The following IGSF9B variants were observed in gnomAD, a reference collection of about 807,000 sequenced individuals.
IGSF9B encodes immunoglobulin superfamily member 9B, also known as protein turtle homolog B.
A neutral mutation model predicts 143.7 loss-of-function variants in IGSF9B; 48 were observed. The observed-to-expected ratio is 0.33, with a 90% confidence interval of 0.26 to 0.42. The LOEUF is 0.42. Ranked by LOEUF, IGSF9B falls within the 20% of genes least tolerant of loss-of-function variation. IGSF9B has a pLI of 1.00. For synonymous variants in IGSF9B, 903 were observed against 833.1 expected, an observed-to-expected ratio of 1.08 and a Z score of -1.44; for missense variants, 1,706 against 1,980.0, an observed-to-expected ratio of 0.86 and a Z score of 2.63.
At chr11:133,919,129 T>TGG (rs756305133) in intron 18 of IGSF9B, 72 of 175,882 alleles carry the variant, frequency 4.1e-4, no homozygotes, top group Middle Eastern at 1.5e-3. Context: ...GGGGGGGGGG[T>TGG]GGGGGACGTG....
In IGSF9B at chr11:133,932,175, C is replaced by A; in HGVS notation, c.1006G>T (p.Val336Leu). Reference sequence around the variant, plus strand: ...ATGTAGCCATGGATCCCCACGGGCACGTAAATCACAGGGGGCATGTTGAGG... The same window carrying A: ...ATGTAGCCATGGATCCCCACGGGCAAGTAAATCACAGGGGGCATGTTGAGG... ...RVLNMPPVIY[V>L]PVGIHGYIRC... The change falls in exon 8 of 20, where the codon GTG becomes TTG. Residue 336 changes from valine to leucine, a missense_variant. Val to Leu is a conservative substitution (Grantham distance 32). Around this residue, in one of 7 missense-constraint regions of IGSF9B, gnomAD observed 238 missense variants for 452.6 expected, o/e 0.53. Transcript: ENST00000533871. 3 of 1,597,628 alleles carry A rather than the reference C, an allele frequency of 1.9e-6. No individual in the cohort carries two copies. The highest frequency in any genetic ancestry group is 2.6e-6 in the Non-Finnish European group (3 of 1,172,108).
chr11:133,919,531 G>C (rs1461425065), intron 18 of IGSF9B, among the ~76,000 whole-genome samples: 1 of 152,172 alleles, frequency 6.6e-6, no homozygotes, highest in African/African-American at 2.4e-5. Context: ...TCATGCTCCC[G>C]GCAGGGCACC....
At chr11:133,914,425 T>C (rs143869461) in intron 18 of IGSF9B, among the ~76,000 whole-genome samples, 9 of 152,280 alleles carry the variant, frequency 5.9e-5, no homozygotes, top group African/African-American at 2.2e-4. Context: ...CCTTGCAACG[T>C]ACTTGAGGCG....
chr11:133,926,863 G>GC, intron 13 of IGSF9B, 53 bp downstream of exon 13: 1 of 1,470,136 alleles, frequency 6.8e-7, no homozygotes, highest in Non-Finnish European at 9.2e-7. Flanking sequence ...CTGGGCCACC[G>GC]CCCCCACCAC....
In IGSF9B at chr11:133,956,827, A is replaced by G. The variant is rs1940266529; in HGVS notation, c.-73T>C. 2.1e-6 allele frequency: 2 copies of G among 971,942 alleles called. No homozygotes were observed. The highest frequency in any genetic ancestry group is 2.8e-6 in the Non-Finnish European group (2 of 722,322). 60.2% of individuals were successfully genotyped at this position (971,942 alleles called of 1,614,324 possible). On this transcript the variant is annotated 5_prime_UTR_variant, in exon 1 of 20. Coordinates refer to ENST00000533871, the MANE Select transcript of IGSF9B (RefSeq NM_001277285.4). ...CGCGCCCGCACGCGCCTCGCGCCCG[A>G]GCGCCCGCCTCGCGCCCGCCTCGCG...
intron 5 of IGSF9B, among the ~76,000 whole-genome samples, chr11:133,936,702 G>A (rs1233253162): frequency 6.6e-6 from 1 of 152,078 alleles, no homozygotes; most frequent in Non-Finnish European, 1.5e-5. Context: ...GGGACCTCTG[G>A]CCCAGGCTGC....
chr11:133,917,105 G>A (rs770467482), intron 18 of IGSF9B, among the ~76,000 whole-genome samples: 4 of 152,158 alleles, frequency 2.6e-5, no homozygotes, highest in Admixed American at 6.5e-5. Flanking sequence ...ACATCTCTAG[G>A]GGGGGAAGGC....
In IGSF9B at chr11:133,945,066, C is replaced by T. The variant is rs532276448; in HGVS notation, c.263-700G>A. Reference sequence around the variant, plus strand: ...ACCCTTCCTCAGCTCTAATCCCCTGCCCCAGTAGGATGCCATCTGTGTCTC... The same window carrying T: ...ACCCTTCCTCAGCTCTAATCCCCTGTCCCAGTAGGATGCCATCTGTGTCTC... On this transcript the variant is annotated intron_variant, in intron 2 of 19. Transcript: ENST00000533871. The surrounding 1 kb of genome is among the most constrained non-coding windows in gnomAD (Gnocchi z 4.6). Among the ~76,000 whole-genome samples the T allele has an allele frequency of 2.0e-5, 3 of 152,286 alleles. No individual in the cohort carries two copies. The highest frequency in any genetic ancestry group is 3.9e-4 in the East Asian group (2 of 5,156).
rs780774880 is a variant in IGSF9B at position 133,913,338 on chromosome 11, G to A, written c.3984-1331C>T. ...GCGGTCTGAGGTTAAAAAAAAAAAT[G>A]TTAAGAGGGATAGGAAGCCTGCAGT... On this transcript the variant is annotated intron_variant, in intron 18 of 19. Transcript: ENST00000533871. This position sits in a 1 kb window ranked among gnomAD's most constrained non-coding sequence, Gnocchi z 4.6. Among the ~76,000 whole-genome samples the A allele has an allele frequency of 6.6e-6, 1 of 152,044 alleles. No homozygotes were observed. The highest frequency in any genetic ancestry group is 1.5e-5 in the Non-Finnish European group (1 of 68,002).
At chr11:133,918,504 G>C (rs1029575191) in intron 18 of IGSF9B, among the ~76,000 whole-genome samples, 1 of 152,118 alleles carries the variant, frequency 6.6e-6, no homozygotes, top group Non-Finnish European at 1.5e-5. Flanking sequence ...ACAGAGACAG[G>C]GCGGCCGCGG....
intron 5 of IGSF9B, among the ~76,000 whole-genome samples, chr11:133,937,173 G>A (rs572903962): frequency 2.6e-5 from 4 of 152,122 alleles, no homozygotes; most frequent in Non-Finnish European, 5.9e-5. Context: ...ACGGCCTGTG[G>A]GCCTGGCCCT....
intron 3 of IGSF9B, chr11:133,938,239 A>G (rs1939861372): frequency 2.9e-6 from 1 of 344,648 alleles, no homozygotes; most frequent in Non-Finnish European, 5.4e-6. Context: ...CCTTACAAAC[A>G]CTGCCTGCTC....
rs1278803717 is a variant in IGSF9B at position 133,899,151 on chromosome 11, T to C, written c.*9918A>G. 2 of 152,282 alleles carry C rather than the reference T, an allele frequency of 1.3e-5. No homozygotes were observed. Among genetic ancestry groups the C allele is most frequent in the Non-Finnish European group, 2.9e-5 (2 of 68,114 alleles). 9.4% of individuals were successfully genotyped at this position (152,282 alleles called of 1,614,324 possible). ...CAAAGGGAAAAGCACCAAAATTCAA[T>C]GTCCATTCTGCTGTGGGGACCAAGG... is the stretch of plus-strand genomic sequence containing the variant. On this transcript the variant is annotated 3_prime_UTR_variant, in exon 20 of 20. Coordinates refer to ENST00000533871, the MANE Select transcript of IGSF9B (RefSeq NM_001277285.4).
Position 133,936,214 on chromosome 11 carries a change from AACCCCACCTCGCCTG to A in IGSF9B, c.680-35_680-21del. 4.4e-6 allele frequency: 7 copies of A among 1,601,720 alleles called. No homozygotes were observed. The highest frequency in any genetic ancestry group is 6.0e-6 in the Non-Finnish European group (7 of 1,174,496). On this transcript the variant is annotated intron_variant, in intron 5 of 19. Transcript: ENST00000533871. ...GGGGCCCTGGGGAGAGCAGGGAACA[AACCCCACCTCGCCTG>A]ATCAGGGACGGCAGCAGCACCCAGG...
At position 133,920,237 on chromosome 11, in the gene IGSF9B, G is replaced by A. The variant is rs776345696; in HGVS notation, c.3488C>T (p.Thr1163Ile). 1 of 1,517,358 alleles carries A rather than the reference G, an allele frequency of 6.6e-7. No homozygotes were observed. The highest frequency in any genetic ancestry group is 8.8e-7 in the Non-Finnish European group (1 of 1,132,624). 94.0% of individuals were successfully genotyped at this position (1,517,358 alleles called of 1,614,324 possible). A position where few individuals can be genotyped will look rare whatever the true frequency, so the allele number is the denominator to read the frequency against. ...AEPGAHGGPS[T>I]FGLDTRWYEP... is the part of the protein sequence containing the mutation. ...ATACCACCGGGTGTCCAGGCCAAAT[G>A]TGCTGGGGCCGCCGTGCGCCCCCGG... Residue 1163 changes from threonine to isoleucine, a missense_variant, in exon 18 of 20, where the codon ACA becomes ATA. This residue lies in a region of IGSF9B where 880 missense variants were observed against 762.9 expected (regional missense o/e 1.15). Coordinates refer to ENST00000533871, the MANE Select transcript of IGSF9B (RefSeq NM_001277285.4).
Position 133,946,828 on chromosome 11 carries a change from G to A in IGSF9B, c.65-570C>T, listed in dbSNP as rs113079675. On this transcript the variant is annotated intron_variant, in intron 1 of 19. Coordinates refer to ENST00000533871, the MANE Select transcript of IGSF9B (RefSeq NM_001277285.4). ...CACAAAACAAGGGTACTCCATGCAG[G>A]AGCAGGGAAATCCCTAACAAGCTCA... is the stretch of plus-strand genomic sequence containing the variant. Among the ~76,000 whole-genome samples the A allele has an allele frequency of 6.3e-4, 96 of 152,322 alleles. 1 individual carries two copies. Among genetic ancestry groups the A allele is most frequent in the African/African-American group, 2.2e-3 (90 of 41,564 alleles).
At position 133,920,776 on chromosome 11, in the gene IGSF9B, G is replaced by C. The variant is rs763945705; in HGVS notation, c.2949C>G (p.Phe983Leu). The C allele has an allele frequency of 6.2e-7, 1 of 1,610,936 alleles. No homozygotes were observed. ...SSPGEVEPPP[F>L]YVPEVGSPLS... is the part of the protein sequence containing the mutation. ...GGGGGCTGCCCACTTCTGGCACGTA[G>C]AACGGGGGCGGCTCCACCTCCCCAG... is the stretch of plus-strand genomic sequence containing the variant. The change falls in exon 18 of 20, where the codon TTC becomes TTG. Residue 983 changes from phenylalanine to leucine, a missense_variant. This residue lies in a region of IGSF9B where 880 missense variants were observed against 762.9 expected (regional missense o/e 1.15). Transcript: ENST00000533871.
At position 133,905,691 on chromosome 11, in the gene IGSF9B, T is replaced by G. The variant is rs1939201183; in HGVS notation, c.*3378A>C. Among the ~76,000 whole-genome samples the G allele has an allele frequency of 6.6e-6, 1 of 152,070 alleles. No individual in the cohort carries two copies. Among genetic ancestry groups the G allele is most frequent in the Non-Finnish European group, 1.5e-5 (1 of 68,004 alleles). On this transcript the variant is annotated 3_prime_UTR_variant, in exon 20 of 20. Coordinates refer to ENST00000533871, the MANE Select transcript of IGSF9B (RefSeq NM_001277285.4). This position sits in a 1 kb window ranked among gnomAD's most constrained non-coding sequence, Gnocchi z 4.0. ...AAAGGCGTCCTTCCTGCTAAGAAAGTAGGATCTCAAAAGGCCTGTCCTACC... is the reference window on the plus strand; with the variant it reads ...AAAGGCGTCCTTCCTGCTAAGAAAGGAGGATCTCAAAAGGCCTGTCCTACC...
intron 3 of IGSF9B, among the ~76,000 whole-genome samples, chr11:133,942,297 G>A (rs971618206): frequency 3.3e-5 from 5 of 152,150 alleles, no homozygotes; most frequent in African/African-American, 1.2e-4. Flanking sequence ...TTTTGTAACT[G>A]AGGAACCGGA....
Sources: gnomAD v4.1 joint callset for allele counts (sites outside exome capture counted in the v4.1 genomes callset) on GRCh38, gnomAD v4.1.1 for gene constraint, gnomAD v4.1.1 regional missense constraint, Gnocchi (gnomAD v3.1) non-coding constraint, MANE v1.5 for transcripts, NCBI Gene and HGNC (gene_info 2026-07-23, HGNC 2026-07-21) for gene names.